The following NCKAP1 variants were observed in gnomAD, a reference collection of about 807,000 sequenced individuals.
The protein encoded by NCKAP1 is NCK associated protein 1.
A neutral mutation model predicts 151.2 loss-of-function variants in NCKAP1; 21 were observed. The ratio of observed to expected loss-of-function variants is 0.14; its 90% confidence interval spans 0.10 to 0.20. NCKAP1 has a LOEUF of 0.20. Ranked by LOEUF, NCKAP1 falls within the 10% of genes least tolerant of loss-of-function variation. The probability of loss-of-function intolerance (pLI) is 1.00; values close to 1 mark genes in which losing one functional copy is unlikely to be tolerated. For synonymous variants in NCKAP1, 484 were observed against 451.8 expected (o/e 1.07, Z -0.90); for missense variants, 933 against 1,352.1 (o/e 0.69, Z 4.86).
intron 15 of NCKAP1, 40 bp from the exon 16 acceptor site, chr2:182,967,401 T>G: frequency 6.5e-7 from 1 of 1,542,426 alleles, no homozygotes; most frequent in East Asian, 2.3e-5. Flanking sequence ...CAGGTAAACA[T>G]AAATGACTTC....
At chr2:182,960,484 T>A (rs972090833) in intron 18 of NCKAP1, among the ~76,000 whole-genome samples, 47 of 152,084 alleles carry the variant, frequency 3.1e-4, no homozygotes, top group African/African-American at 1.1e-3. Flanking sequence ...AATGGGGAAA[T>A]GATTCCCTAT....
chr2:183,032,583 A>C (rs1015179980), intron 1 of NCKAP1, among the ~76,000 whole-genome samples: 8 of 152,222 alleles, frequency 5.3e-5, no homozygotes, highest in Admixed American at 2.0e-4. Context: ...ATAAAAAAAA[A>C]CAGTAAGAAT....
rs772422676 is a variant in NCKAP1, at chr2:183,002,031, G to A, written c.525C>T (p.Tyr175=). The change falls in exon 6 of 31, where the codon TAC becomes TAT. Residue 175 remains tyrosine (Y), a synonymous_variant. Coordinates refer to ENST00000361354, the MANE Select transcript of NCKAP1 (RefSeq NM_013436.5). ...EMTHGASDRE[Y]PRLGQMIVDY... is the part of the protein sequence containing the mutation. The stretch of plus-strand genomic sequence containing the variant: ...CCACAATCATCTGGCCAAGGCGTGG[G>A]TATTCTCTGTCACTTAAAACAGACA... The A allele has an allele frequency of 1.2e-6, 2 of 1,613,510 alleles. No individual in the cohort carries two copies. The highest frequency in any genetic ancestry group is 1.7e-5 in the Admixed American group (1 of 59,978).
chr2:183,022,319 A>AAG (rs1559110010), intron 2 of NCKAP1, among the ~76,000 whole-genome samples: 1 of 152,238 alleles, frequency 6.6e-6, no homozygotes, highest in Non-Finnish European at 1.5e-5. Context: ...TTTTCATAAC[A>AAG]AAATCTCTCT....
chr2:182,966,282 A>G (rs1697567770), intron 16 of NCKAP1, among the ~76,000 whole-genome samples: 1 of 151,586 alleles, frequency 6.6e-6, no homozygotes, highest in African/African-American at 2.4e-5. Flanking sequence ...TCCTAACCCC[A>G]CTGTTATGTA....
At position 182,928,846 on chromosome 2, in the gene NCKAP1, C is replaced by A. The variant is rs753920501; in HGVS notation, c.3007G>T (p.Val1003Leu). 7 of 1,612,414 alleles carry A rather than the reference C, an allele frequency of 4.3e-6. No individual in the cohort carries two copies. The highest frequency in any genetic ancestry group is 5.9e-6 in the Non-Finnish European group (7 of 1,178,852). Residue 1003 changes from valine to leucine, a missense_variant, in exon 28 of 31, where the codon GTG becomes TTG. Val to Leu is a conservative substitution (Grantham distance 32). Transcript: ENST00000361354. ...YKIACLLMVF[V>L]AVSLPTLASN... is the part of the protein sequence containing the mutation. ...GCCAGTGTTGGCAAAGAAACTGCCA[C>A]AAACACCATGAGAAGGCAGGCAATT...
rs1188220928 is a variant in NCKAP1 at position 182,914,249 on chromosome 2, A to G, written c.*11453T>C. ...GTATCTAGCACATAGTAGGTATTTT[A>G]AAAACTATATTCATTGAACTGATGT... On this transcript the variant is annotated 3_prime_UTR_variant, in exon 31 of 31. Transcript: ENST00000361354. 6.6e-6 allele frequency: 1 copy of G among 152,218 alleles called. No homozygotes were observed. Among genetic ancestry groups the G allele is most frequent in the African/African-American group, 2.4e-5 (1 of 41,448 alleles). 9.4% of individuals were successfully genotyped at this position (152,218 alleles called of 1,614,324 possible).
At position 182,928,150 on chromosome 2, in the gene NCKAP1, T is replaced by C; in HGVS notation, c.3147A>G (p.Gly1049=). The change falls in exon 29 of 31, where the codon GGA becomes GGG. Residue 1049 remains glycine (G), a synonymous_variant. Transcript: ENST00000361354. ...ATTCTTTAAGACGGTCTTCAATGCT[T>C]CCTTTGTGAATTGTAAACAAAGCTG... The part of the protein sequence containing the change: ...IAAALFTIHK[G]SIEDRLKEFL... 6.2e-7 allele frequency: 1 copy of C among 1,611,972 alleles called. No homozygotes were observed. The highest frequency in any genetic ancestry group is 1.1e-5 in the South Asian group (1 of 90,868).
intron 24 of NCKAP1, among the ~76,000 whole-genome samples, chr2:182,936,324 T>C (rs945122101): frequency 2.0e-5 from 3 of 152,164 alleles, no homozygotes; most frequent in Non-Finnish European, 4.4e-5. Context: ...CTTCACATTT[T>C]ATAAAGCCAA....
chr2:182,928,664 G>A (rs1300051145), intron 28 of NCKAP1, 119 bp downstream of exon 28: 16 of 623,604 alleles, frequency 2.6e-5, no homozygotes, highest in Middle Eastern at 2.6e-4. Flanking sequence ...TTAGGAAAAG[G>A]GAAACAGACT....
At chr2:183,026,829 G>T (rs1267826454) in intron 1 of NCKAP1, among the ~76,000 whole-genome samples, 1 of 152,128 alleles carries the variant, frequency 6.6e-6, no homozygotes, top group Non-Finnish European at 1.5e-5. Context: ...AAAATGATAA[G>T]CACATAAGTG....
In NCKAP1 at chr2:182,924,590, T is replaced by C. The variant is rs1168527087; in HGVS notation, c.*1112A>G. 6.6e-6 allele frequency: 1 copy of C among 152,186 alleles called. No individual in the cohort carries two copies. The highest frequency in any genetic ancestry group is 2.4e-5 in the African/African-American group (1 of 41,448). The allele number at this position is 152,186 out of a possible 1,614,324, so 9.4% of individuals were successfully genotyped here. On this transcript the variant is annotated 3_prime_UTR_variant, in exon 31 of 31. Transcript: ENST00000361354. ...ATGATCACTCAATTTTTTTTCCCTA[T>C]TCTTTTAAATAACTCTATTTGGTTA...
intron 25 of NCKAP1, 22 bp from the exon 26 acceptor site, chr2:182,934,854 A>G (rs1696841037): frequency 8.7e-7 from 1 of 1,152,748 alleles, no homozygotes. Context: ...AACAAATAAG[A>G]ATACAGAATT....
At chr2:182,973,731 C>G (rs899349650) in intron 15 of NCKAP1, among the ~76,000 whole-genome samples, 3 of 152,180 alleles carry the variant, frequency 2.0e-5, no homozygotes, top group African/African-American at 7.2e-5. Flanking sequence ...GGTCAGTGAT[C>G]AAAGGCAGAT....
At chr2:183,007,391 G>A (rs561376932) in intron 2 of NCKAP1, among the ~76,000 whole-genome samples, 1 of 152,212 alleles carries the variant, frequency 6.6e-6, no homozygotes, top group South Asian at 2.1e-4. Context: ...ATTAATCTTT[G>A]TTCAATTAAG....
At chr2:183,010,736 C>A (rs10803963) in intron 2 of NCKAP1, among the ~76,000 whole-genome samples, 68,243 of 151,978 alleles carry the variant, frequency 0.45, 18,044 homozygotes, top group East Asian at 0.65. Flanking sequence ...TAATTATATA[C>A]CGTGGTATAG....
chr2:182,918,386 A>G lies in NCKAP1; in HGVS notation c.*7316T>C. Reference sequence around the variant, plus strand: ...TATATCAAAAAAAATCTGCATGTGTATATTTATTGCAGCACAATTCATAAC... The same window carrying G: ...TATATCAAAAAAAATCTGCATGTGTGTATTTATTGCAGCACAATTCATAAC... On this transcript the variant is annotated 3_prime_UTR_variant, in exon 31 of 31. Coordinates refer to ENST00000361354, the MANE Select transcript of NCKAP1 (RefSeq NM_013436.5). 6.6e-6 allele frequency: 1 copy of G among 152,182 alleles called. No homozygotes were observed. 9.4% of individuals were successfully genotyped at this position (152,182 alleles called of 1,614,324 possible). A position where few individuals can be genotyped will look rare whatever the true frequency, so the allele number is the denominator to read the frequency against.
intron 28 of NCKAP1, among the ~76,000 whole-genome samples, chr2:182,928,490 T>C (rs753286542): frequency 2.6e-5 from 4 of 152,068 alleles, no homozygotes; most frequent in East Asian, 1.9e-4. Context: ...ATCAGTTTTA[T>C]AGTAGCTCGG....
At chr2:182,929,016 A>T (rs1696705782) in intron 27 of NCKAP1, 117 bp from the exon 28 acceptor site, 4 of 647,720 alleles carry the variant, frequency 6.2e-6, no homozygotes, top group Admixed American at 6.4e-5. Context: ...TTTTTGAAAT[A>T]GTAAACTATT....
Sources: gnomAD v4.1 joint callset for allele counts (sites outside exome capture counted in the v4.1 genomes callset) on GRCh38, gnomAD v4.1.1 for gene constraint, MANE v1.5 for transcripts, NCBI Gene and HGNC (gene_info 2026-07-23, HGNC 2026-07-21) for gene names.